The following ATP9A variants were observed in gnomAD, a reference collection of about 807,000 sequenced individuals.
ATP9A encodes probable phospholipid-transporting ATPase IIA.
A neutral mutation model predicts 144.1 loss-of-function variants in ATP9A; 52 were observed. The ratio of observed to expected loss-of-function variants is 0.36; its 90% CI spans 0.29 to 0.45. The LOEUF (loss-of-function observed/expected upper bound fraction) is 0.45, where lower values mean the gene tolerates loss of function less well. ATP9A is among the 20% of genes least tolerant of loss of function. ATP9A has a pLI of 1.00. For synonymous variants in ATP9A, 582 were observed against 557.4 expected (o/e 1.04, Z -0.62); for missense variants, 947 against 1,392.7 (o/e 0.68, Z 5.09).
In ATP9A at chr20:51,768,338, C is replaced by T; in HGVS notation, c.32G>A (p.Arg11His). The T allele has an allele frequency of 7.6e-7, 1 of 1,309,186 alleles. No homozygotes were observed. The highest frequency in any genetic ancestry group is 3.0e-5 in the Admixed American group (1 of 33,482). 81.1% of individuals were successfully genotyped at this position (1,309,186 alleles called of 1,614,324 possible). The change falls in exon 1 of 28, where the codon CGC becomes CAC. Residue 11 changes from arginine (R) to histidine (H), a missense_variant. Physicochemically the swap from Arg to His is conservative, Grantham distance 29. Around this residue, in one of 2 missense-constraint regions of ATP9A, gnomAD observed 770 missense variants for 1,047.9 expected, o/e 0.73. Transcript: ENST00000338821. The stretch of plus-strand genomic sequence containing the variant: ...CCTGCTGTCCATCCGCTTCTTCTGG[C>T]GCACCGGCTGCAGCGGGATGTTGTC... MTDNIPLQPV[R>H]QKKRMDSRPR...
chr20:51,623,847 C>G (rs921164443), intron 18 of ATP9A, among the ~76,000 whole-genome samples: 1 of 151,204 alleles, frequency 6.6e-6, no homozygotes, highest in African/African-American at 2.4e-5. Context: ...TGTGCAAGAT[C>G]GTATCTTAGA....
chr20:51,645,775 A>T (rs1170606226), intron 14 of ATP9A, among the ~76,000 whole-genome samples: 2 of 152,178 alleles, frequency 1.3e-5, no homozygotes, highest in Non-Finnish European at 2.9e-5. Context: ...CCAGACAAAC[A>T]TCTGGGGAGT....
At chr20:51,659,852 C>A (rs1413426732) in intron 13 of ATP9A, among the ~76,000 whole-genome samples, 2 of 152,202 alleles carry the variant, frequency 1.3e-5, no homozygotes, top group African/African-American at 4.8e-5. Context: ...GGGGACACAG[C>A]GCTCTGCCTT....
rs145570376 is a variant in ATP9A, at chr20:51,729,883, C to G, written c.164G>C (p.Arg55Pro). ...GTACTTCTGATTGTTGATGACATTCCGAGGATACCTCTGGTCTCTCTTCTC... is the reference window on the plus strand; with the variant it reads ...GTACTTCTGATTGTTGATGACATTCGGAGGATACCTCTGGTCTCTCTTCTC... ...HPEKRDQRYP[R>P]NVINNQKYNF... Residue 55 changes from arginine to proline, a missense_variant, in exon 2 of 28, where the codon CGG becomes CCG. Physicochemically the swap from Arg to Pro is moderately radical, Grantham distance 103 (BLOSUM62 -2). This residue lies in a region of ATP9A where 770 missense variants were observed against 1,047.9 expected (regional missense o/e 0.73). Coordinates refer to ENST00000338821, the MANE Select transcript of ATP9A (RefSeq NM_006045.3). 1 of 1,606,044 alleles carries G rather than the reference C, an allele frequency of 6.2e-7. No homozygotes were observed. Among genetic ancestry groups the G allele is most frequent in the Non-Finnish European group, 8.5e-7 (1 of 1,177,474 alleles).
chr20:51,723,199 A>G (rs1351663360), intron 3 of ATP9A, among the ~76,000 whole-genome samples: 1 of 152,152 alleles, frequency 6.6e-6, no homozygotes, highest in Non-Finnish European at 1.5e-5. Flanking sequence ...GAGCTAAGCT[A>G]TGAGGACACA....
intron 4 of ATP9A, among the ~76,000 whole-genome samples, chr20:51,700,331 G>T (rs1017180883): frequency 2.0e-5 from 3 of 152,102 alleles, no homozygotes; most frequent in African/African-American, 4.8e-5. Context: ...GACCAGCCTA[G>T]GCAACATAGC....
intron 19 of ATP9A, among the ~76,000 whole-genome samples, chr20:51,620,896 C>T (rs915608072): frequency 6.6e-6 from 1 of 152,100 alleles, no homozygotes; most frequent in African/African-American, 2.4e-5. Flanking sequence ...GCCTGTAATC[C>T]CAGCACTTTG....
chr20:51,724,148 G>A (rs1033532130), intron 3 of ATP9A, among the ~76,000 whole-genome samples: 1 of 151,904 alleles, frequency 6.6e-6, no homozygotes, highest in African/African-American at 2.4e-5. Flanking sequence ...TCCAACCTGG[G>A]CAATAAGAGC....
At chr20:51,671,712 C>G (rs1426495646) in intron 11 of ATP9A, among the ~76,000 whole-genome samples, 4 of 152,074 alleles carry the variant, frequency 2.6e-5, no homozygotes, top group African/African-American at 9.7e-5. Context: ...AATTCCACAC[C>G]CATTCAACAA....
intron 18 of ATP9A, 71 bp downstream of exon 18, chr20:51,625,121 A>G: frequency 6.8e-7 from 1 of 1,464,860 alleles, no homozygotes; most frequent in Admixed American, 1.9e-5. Flanking sequence ...TCCCCCTGTG[A>G]TCTCCCTGCA....
intron 7 of ATP9A, among the ~76,000 whole-genome samples, chr20:51,693,425 G>A (rs1429558386): frequency 6.6e-6 from 1 of 152,182 alleles, no homozygotes; most frequent in African/African-American, 2.4e-5. Flanking sequence ...CGGAGCCTCT[G>A]CAGAGAGACA....
intron 3 of ATP9A, among the ~76,000 whole-genome samples, chr20:51,723,549 G>C (rs1178661361): frequency 6.8e-6 from 1 of 147,968 alleles, no homozygotes; most frequent in Non-Finnish European, 1.5e-5. Context: ...CTACAGCCTG[G>C]GCAACAGCAA....
At chr20:51,622,442 G>C (rs188560435) in intron 18 of ATP9A, among the ~76,000 whole-genome samples, 1 of 152,084 alleles carries the variant, frequency 6.6e-6, no homozygotes, top group Non-Finnish European at 1.5e-5. Flanking sequence ...TATGAAGCTC[G>C]GTCCTTGGAC....
chr20:51,621,572 G>A (rs551064286), intron 19 of ATP9A, among the ~76,000 whole-genome samples: 8 of 152,236 alleles, frequency 5.3e-5, no homozygotes, highest in South Asian at 2.1e-4. Flanking sequence ...CCACAAGGGC[G>A]GGCGATTTCT....
intron 14 of ATP9A, among the ~76,000 whole-genome samples, chr20:51,647,159 G>T (rs1356710308): frequency 6.6e-6 from 1 of 152,002 alleles, no homozygotes; most frequent in Admixed American, 6.6e-5. Flanking sequence ...CAAATGTCTT[G>T]TACTTGAAAT....
chr20:51,621,719 C>T (rs948500085), intron 19 of ATP9A, among the ~76,000 whole-genome samples: 5 of 152,052 alleles, frequency 3.3e-5, no homozygotes, highest in African/African-American at 1.2e-4. Context: ...TCAGGGGTTC[C>T]GTGAAATCCC....
intron 14 of ATP9A, among the ~76,000 whole-genome samples, chr20:51,650,902 T>TACACAC (rs10666493): frequency 0.18 from 26,411 of 149,180 alleles, 2,632 homozygotes; most frequent in South Asian, 0.37. Context: ...ACATCACACA[T>TACACAC]ACACACACAC....
chr20:51,700,128 C>G (rs2077587324), intron 4 of ATP9A, among the ~76,000 whole-genome samples: 1 of 152,168 alleles, frequency 6.6e-6, no homozygotes. Context: ...GGAGCCCTGG[C>G]CTGCTAGAGA....
intron 1 of ATP9A, among the ~76,000 whole-genome samples, chr20:51,753,525 T>C (rs937834375): frequency 6.6e-6 from 1 of 152,076 alleles, no homozygotes; most frequent in Non-Finnish European, 1.5e-5. Context: ...CATAAAACAA[T>C]GTACACGCAG....
Sources: gnomAD v4.1 joint callset for allele counts (sites outside exome capture counted in the v4.1 genomes callset) on GRCh38, gnomAD v4.1.1 for gene constraint, gnomAD v4.1.1 regional missense constraint, MANE v1.5 for transcripts, NCBI Gene and HGNC (gene_info 2026-07-23, HGNC 2026-07-21) for gene names.